The following KCND2 variants were observed in gnomAD, a reference collection of about 807,000 sequenced individuals.
The protein encoded by KCND2 is potassium voltage-gated channel subfamily D member 2.
Under a neutral mutation model 54.4 loss-of-function variants are expected in KCND2, and 16 were observed. That is an observed-to-expected ratio of 0.29 (90% CI 0.20 to 0.45). KCND2 has a LOEUF of 0.45. KCND2 is among the 20% of genes least tolerant of loss of function. The pLI, the probability that KCND2 is intolerant of heterozygous loss-of-function variation, is 1.00. For missense variants in KCND2, 486 were observed against 824.2 expected (o/e 0.59, Z 5.02); for synonymous variants, 317 against 310.7 (o/e 1.02, Z -0.21).
intron 1 of KCND2, among the ~76,000 whole-genome samples, chr7:120,651,681 C>T (rs190352836): frequency 8.1e-4 from 124 of 152,284 alleles, no homozygotes; most frequent in African/African-American, 2.7e-3. Context: ...GTTGGAAATG[C>T]GGAAATCATC....
intron 1 of KCND2, among the ~76,000 whole-genome samples, chr7:120,582,873 T>C (rs1792535658): frequency 6.6e-6 from 1 of 152,200 alleles, no homozygotes; most frequent in South Asian, 2.1e-4. Context: ...TATAGAACTC[T>C]CAGAAGGACT....
At chr7:120,549,277 G>T (rs1242796459) in intron 1 of KCND2, among the ~76,000 whole-genome samples, 1 of 152,054 alleles carries the variant, frequency 6.6e-6, no homozygotes, top group Non-Finnish European at 1.5e-5. Context: ...TCGTGTTATT[G>T]GATTTAATAA....
At chr7:120,327,337 A>G (rs192552928) in intron 1 of KCND2, among the ~76,000 whole-genome samples, 54 of 152,192 alleles carry the variant, frequency 3.5e-4, no homozygotes, top group Non-Finnish European at 1.0e-4. Context: ...ACTTAGGAGG[A>G]AACTTAATTA....
chr7:120,343,983 T>C (rs1800277301), intron 1 of KCND2, among the ~76,000 whole-genome samples: 1 of 152,140 alleles, frequency 6.6e-6, no homozygotes. Context: ...TTCGAGCTAA[T>C]GCAGTTCAAA....
At chr7:120,394,341 T>C (rs913925175) in intron 1 of KCND2, among the ~76,000 whole-genome samples, 5 of 151,912 alleles carry the variant, frequency 3.3e-5, no homozygotes, top group African/African-American at 1.2e-4. Context: ...TACCTCTTGC[T>C]GGAGGGGCCA....
At chr7:120,338,929 G>T (rs1036949099) in intron 1 of KCND2, among the ~76,000 whole-genome samples, 1 of 151,950 alleles carries the variant, frequency 6.6e-6, no homozygotes, top group East Asian at 1.9e-4. Context: ...GCCCAGGCTG[G>T]AGTGCAGTGG....
intron 1 of KCND2, among the ~76,000 whole-genome samples, chr7:120,696,254 T>G (rs1792331446): frequency 6.6e-6 from 1 of 152,222 alleles, no homozygotes; most frequent in Non-Finnish European, 1.5e-5. Flanking sequence ...TTCACTGTAT[T>G]AAAATACATT....
At chr7:120,534,911 T>C (rs139848488) in intron 1 of KCND2, among the ~76,000 whole-genome samples, 6 of 152,316 alleles carry the variant, frequency 3.9e-5, no homozygotes, top group African/African-American at 1.4e-4. Flanking sequence ...GTAAGTAATA[T>C]TTTTAAATGA....
In KCND2 at chr7:120,700,771, A is replaced by G. The variant is rs191517806; in HGVS notation, c.1116-32132A>G. On this transcript the variant is annotated intron_variant, in intron 1 of 5. Coordinates refer to ENST00000331113, the MANE Select transcript of KCND2 (RefSeq NM_012281.3). Reference sequence around the variant, plus strand: ...TATTTGTTCAGTAAGTATTTATTGAACATAGATTTCTAAAGAGTCATGAAA... The same window carrying G: ...TATTTGTTCAGTAAGTATTTATTGAGCATAGATTTCTAAAGAGTCATGAAA... Among the ~76,000 whole-genome samples the G allele has an allele frequency of 9.0e-4, 137 of 152,372 alleles. 1 individual carries two copies. In the Middle Eastern group the frequency reaches 0.01, roughly 11 times the overall value.
chr7:120,731,158 T>A (rs565583043), intron 1 of KCND2, among the ~76,000 whole-genome samples: 74 of 152,320 alleles, frequency 4.9e-4, no homozygotes, highest in African/African-American at 1.6e-3. Flanking sequence ...TCAACTAATA[T>A]GTAGTAGGAG....
At chr7:120,665,382 A>C (rs2116565473) in intron 1 of KCND2, among the ~76,000 whole-genome samples, 1 of 152,206 alleles carries the variant, frequency 6.6e-6, no homozygotes, top group African/African-American at 2.4e-5. Context: ...TCTAAGCTTA[A>C]TTTATTGCAC....
In KCND2 at chr7:120,477,591, C is replaced by CT. The variant is rs563911575; in HGVS notation, c.1115+201851dup. Among the ~76,000 whole-genome samples the CT allele has an allele frequency of 2.0e-3, 298 of 151,994 alleles. 2 individuals are homozygous for CT. Among genetic ancestry groups the CT allele is most frequent in the Non-Finnish European group, 1.5e-3 (103 of 67,970 alleles). ...TTTTGGTGCTTGCTTTTAATTGTCT[C>CT]TTTTTTTGCTTGAGGTTCAGTAAAT... On this transcript the variant is annotated intron_variant, in intron 1 of 5. Transcript: ENST00000331113.
At chr7:120,435,586 A>C (rs1371975312) in intron 1 of KCND2, among the ~76,000 whole-genome samples, 3 of 152,152 alleles carry the variant, frequency 2.0e-5, no homozygotes, top group Non-Finnish European at 2.9e-5. Context: ...AAACAAACGA[A>C]TAACCCTATT....
At chr7:120,370,670 C>T (rs1453585447) in intron 1 of KCND2, among the ~76,000 whole-genome samples, 2 of 151,884 alleles carry the variant, frequency 1.3e-5, no homozygotes, top group Non-Finnish European at 2.9e-5. Context: ...TCTCATTTTA[C>T]AAAAGAAGCT....
At chr7:120,564,596 T>G (rs1381518627) in intron 1 of KCND2, among the ~76,000 whole-genome samples, 1 of 152,152 alleles carries the variant, frequency 6.6e-6, no homozygotes, top group Non-Finnish European at 1.5e-5. Flanking sequence ...GCTTGTGGGT[T>G]GTATTCATTT....
chr7:120,404,836 A>G (rs1293230079), intron 1 of KCND2, among the ~76,000 whole-genome samples: 1 of 152,120 alleles, frequency 6.6e-6, no homozygotes. Flanking sequence ...TCTTTCACAA[A>G]TATTGATGGA....
intron 1 of KCND2, among the ~76,000 whole-genome samples, chr7:120,511,829 G>A (rs1013316942): frequency 3.9e-5 from 6 of 152,028 alleles, no homozygotes; most frequent in African/African-American, 1.4e-4. Context: ...CTAATATACA[G>A]CTGTGCATCA....
intron 1 of KCND2, among the ~76,000 whole-genome samples, chr7:120,615,480 T>C (rs1370041655): frequency 1.3e-5 from 2 of 152,174 alleles, no homozygotes; most frequent in Admixed American, 1.3e-4. Context: ...TTTTAAAGGA[T>C]AAATAAATGG....
intron 1 of KCND2, among the ~76,000 whole-genome samples, chr7:120,399,018 C>T (rs1190207543): frequency 1.3e-5 from 2 of 151,846 alleles, no homozygotes; most frequent in African/African-American, 4.8e-5. Flanking sequence ...CCAATCTCAC[C>T]TTTTGCGCTC....
Sources: gnomAD v4.1 joint callset for allele counts (sites outside exome capture counted in the v4.1 genomes callset) on GRCh38, gnomAD v4.1.1 for gene constraint, MANE v1.5 for transcripts, NCBI Gene and HGNC (gene_info 2026-07-23, HGNC 2026-07-21) for gene names.